The following ATXN7 variants were observed in gnomAD, a reference collection of about 807,000 sequenced individuals.
The protein encoded by ATXN7 is ataxin 7.
In ATXN7, 12 loss-of-function variants were observed where a neutral mutation model predicts 70.5. That is an observed-to-expected ratio of 0.17 (90% CI 0.11 to 0.28). ATXN7 has a LOEUF of 0.28. Ranked by LOEUF, ATXN7 falls within the 10% of genes least tolerant of loss-of-function variation. The pLI, the probability that ATXN7 is intolerant of heterozygous loss-of-function variation, is 1.00. For synonymous variants in ATXN7, 498 were observed against 448.7 expected, an observed-to-expected ratio of 1.11 and a Z score of -1.39; for missense variants, 1,256 against 1,131.7, an observed-to-expected ratio of 1.11 and a Z score of -1.58.
chr3:63,946,575 G>A lies in ATXN7; in HGVS notation c.395-5804G>A, dbSNP rs989590098. Among the ~76,000 whole-genome samples the A allele has an allele frequency of 9.6e-4, 146 of 151,848 alleles. 1 individual carries two copies. Among genetic ancestry groups the A allele is most frequent in the Admixed American group, 2.8e-3 (42 of 15,256 alleles). On this transcript the variant is annotated intron_variant, in intron 4 of 12. Coordinates refer to ENST00000674280, the MANE Select transcript of ATXN7 (RefSeq NM_001377405.1). The stretch of plus-strand genomic sequence containing the variant: ...GGAGAATGGCGTGAACCCGGGAGGC[G>A]GAGCTTGCAGTGAGGCGAGATTGTG...
At chr3:63,959,103 C>T (rs1205691246) in intron 5 of ATXN7, among the ~76,000 whole-genome samples, 3 of 152,150 alleles carry the variant, frequency 2.0e-5, no homozygotes, top group African/African-American at 7.2e-5. Flanking sequence ...ATTGATTTAG[C>T]GTAGTCATTG....
chr3:63,869,605 A>T (rs958085220), intron 1 of ATXN7, among the ~76,000 whole-genome samples: 1 of 151,996 alleles, frequency 6.6e-6, no homozygotes, highest in African/African-American at 2.4e-5. Flanking sequence ...TTGTATTTTT[A>T]GTAGAGATGG....
chr3:63,947,876 T>C (rs552566713), intron 4 of ATXN7, among the ~76,000 whole-genome samples: 1 of 152,148 alleles, frequency 6.6e-6, no homozygotes, highest in East Asian at 1.9e-4. Flanking sequence ...GGGAGGTCAG[T>C]GTGCCTGGAG....
intron 5 of ATXN7, among the ~76,000 whole-genome samples, chr3:63,960,889 G>A (rs948074104): frequency 6.6e-6 from 1 of 152,066 alleles, no homozygotes; most frequent in Non-Finnish European, 1.5e-5. Context: ...TAATGTTTCT[G>A]TAATCTAGTC....
chr3:63,980,358 T>A, intron 6 of ATXN7, 191 bp downstream of exon 6: 2 of 719,012 alleles, frequency 2.8e-6, no homozygotes, highest in Non-Finnish European at 4.5e-6. Context: ...GTAATAGCAG[T>A]GATAATAAGG....
At chr3:63,901,367 C>T (rs1336520081) in intron 2 of ATXN7, 3 of 152,152 alleles carry the variant, frequency 2.0e-5, no homozygotes, top group African/African-American at 7.2e-5. Flanking sequence ...TGAACTCATT[C>T]TTCCTAACTG....
intron 1 of ATXN7, among the ~76,000 whole-genome samples, chr3:63,874,203 A>G (rs1173801242): frequency 2.0e-5 from 3 of 152,262 alleles, no homozygotes; most frequent in Admixed American, 6.5e-5. Flanking sequence ...CAGAGTCACT[A>G]TAAACATTTT....
Position 64,001,963 on chromosome 3 carries a change from A to G in ATXN7, c.*2496A>G, listed in dbSNP as rs2075837592. On this transcript the variant is annotated 3_prime_UTR_variant, in exon 13 of 13. Transcript: ENST00000674280. ...CCAAGATAATTTTTATATTCTTTCC[A>G]ATAGAATTTCATGACAACTCCTGCA... 1 of 152,322 alleles carries G rather than the reference A, an allele frequency of 6.6e-6. No individual in the cohort carries two copies. Among genetic ancestry groups the G allele is most frequent in the Non-Finnish European group, 1.5e-5 (1 of 67,980 alleles). 9.4% of individuals were successfully genotyped at this position (152,322 alleles called of 1,614,324 possible).
intron 5 of ATXN7, among the ~76,000 whole-genome samples, chr3:63,979,091 A>G (rs565962226): frequency 1.3e-5 from 2 of 152,262 alleles, no homozygotes; most frequent in Non-Finnish European, 2.9e-5. Context: ...ACATTCTTCA[A>G]CAGCTCTTGA....
chr3:63,971,723 A>G (rs1185228174), intron 5 of ATXN7, among the ~76,000 whole-genome samples: 4 of 152,160 alleles, frequency 2.6e-5, no homozygotes, highest in African/African-American at 9.7e-5. Context: ...ATTCTTTCAG[A>G]GATATTATTG....
At chr3:63,937,461 G>T (rs2074682151) in intron 4 of ATXN7, among the ~76,000 whole-genome samples, 1 of 152,094 alleles carries the variant, frequency 6.6e-6, no homozygotes, top group Admixed American at 6.5e-5. Flanking sequence ...TAATTTTTTT[G>T]TACACCATAG....
intron 4 of ATXN7, among the ~76,000 whole-genome samples, chr3:63,946,949 C>T (rs2074874110): frequency 1.3e-5 from 2 of 152,188 alleles, no homozygotes; most frequent in South Asian, 4.1e-4. Flanking sequence ...AGTAGAGGCC[C>T]CATACCTTGA....
At chr3:63,971,860 A>G (rs1187180879) in intron 5 of ATXN7, among the ~76,000 whole-genome samples, 3 of 152,242 alleles carry the variant, frequency 2.0e-5, no homozygotes, top group Admixed American at 2.0e-4. Flanking sequence ...TGTGAATAAC[A>G]AAAGTTTAGG....
chr3:63,991,028 C>G, intron 11 of ATXN7, 169 bp downstream of exon 11: 3 of 908,798 alleles, frequency 3.3e-6, no homozygotes, highest in Non-Finnish European at 4.9e-6. Flanking sequence ...CCCTTTACCC[C>G]ACAACTACAT....
At chr3:63,969,057 T>A (rs2075271651) in intron 5 of ATXN7, among the ~76,000 whole-genome samples, 2 of 152,218 alleles carry the variant, frequency 1.3e-5, no homozygotes, top group African/African-American at 4.8e-5. Context: ...TTCTGATGTT[T>A]TATTAGTTGA....
chr3:63,931,714 T>C (rs553634914), intron 4 of ATXN7, among the ~76,000 whole-genome samples: 1 of 152,316 alleles, frequency 6.6e-6, no homozygotes, highest in African/African-American at 2.4e-5. Context: ...ATACCCTCTT[T>C]AAATTGCCCC....
chr3:63,952,827 G>T, intron 5 of ATXN7, among the ~76,000 whole-genome samples: 1 of 109,456 alleles, frequency 9.1e-6, no homozygotes, highest in African/African-American at 4.1e-5. Flanking sequence ...CAATATGGAT[G>T]CATGGGCCTT....
At chr3:63,906,469 C>T (rs1453154480) in intron 2 of ATXN7, among the ~76,000 whole-genome samples, 1 of 152,166 alleles carries the variant, frequency 6.6e-6, no homozygotes, top group Non-Finnish European at 1.5e-5. Context: ...AAAGTGGGTT[C>T]CAGGTTCTAA....
intron 4 of ATXN7, among the ~76,000 whole-genome samples, chr3:63,915,037 G>A (rs1412733100): frequency 6.6e-6 from 1 of 151,594 alleles, no homozygotes; most frequent in African/African-American, 2.4e-5. Flanking sequence ...CCAGGTTCAA[G>A]CGATTCTCCT....
Sources: gnomAD v4.1 joint callset for allele counts (sites outside exome capture counted in the v4.1 genomes callset) on GRCh38, gnomAD v4.1.1 for gene constraint, MANE v1.5 for transcripts, NCBI Gene and HGNC (gene_info 2026-07-23, HGNC 2026-07-21) for gene names.